The following ARHGAP6 variants were observed in gnomAD, a reference collection of about 807,000 sequenced individuals.
ARHGAP6 encodes rho GTPase-activating protein 6.
ARHGAP6 carries 16 observed loss-of-function variants against 55.7 expected under a neutral mutation model. The observed-to-expected ratio is 0.29, with a 90% CI of 0.19 to 0.44. The LOEUF (loss-of-function observed/expected upper bound fraction) is 0.44, where lower values mean the gene tolerates loss of function less well. ARHGAP6 is among the 20% of genes least tolerant of loss of function. ARHGAP6 has a pLI of 1.00. For missense variants in ARHGAP6, 698 were observed against 808.9 expected (o/e 0.86, Z 1.66); for synonymous variants, 382 against 360.9 (o/e 1.06, Z -0.66).
At chrX:11,543,329 A>C (rs1474711219) in intron 1 of ARHGAP6, among the ~76,000 whole-genome samples, 1 of 113,021 alleles carries the variant, frequency 8.8e-6, no homozygotes, top group Non-Finnish European at 1.9e-5. Context: ...TATTTTGTAT[A>C]ATTTTAGAAC....
intron 1 of ARHGAP6, among the ~76,000 whole-genome samples, chrX:11,570,243 G>A (rs896852511): frequency 2.7e-5 from 3 of 111,565 alleles, no homozygotes; most frequent in Non-Finnish European, 5.6e-5. Flanking sequence ...AAATTACTAA[G>A]TATTACATTT....
At chrX:11,180,538 G>C (rs1245273669) in intron 6 of ARHGAP6, among the ~76,000 whole-genome samples, 1 of 111,344 alleles carries the variant, frequency 9.0e-6, no homozygotes, top group African/African-American at 3.3e-5. Context: ...TAAGGAAAAA[G>C]TGCAGGGTGC....
At chrX:11,348,614 C>T (rs915434087) in intron 1 of ARHGAP6, among the ~76,000 whole-genome samples, 1 of 111,961 alleles carries the variant, frequency 8.9e-6, no homozygotes, top group Non-Finnish European at 1.9e-5. Context: ...GCCATTTGAT[C>T]TGAGGTCGTC....
At chrX:11,215,362 C>T (rs948754739) in intron 2 of ARHGAP6, among the ~76,000 whole-genome samples, 1 of 112,738 alleles carries the variant, frequency 8.9e-6, no homozygotes, top group Non-Finnish European at 1.9e-5. Flanking sequence ...AATGGCTCCG[C>T]GAGGATCCCC....
chrX:11,173,624 C>T (rs2046126063), intron 8 of ARHGAP6, among the ~76,000 whole-genome samples: 1 of 112,284 alleles, frequency 8.9e-6, no homozygotes. Context: ...ACAAAACAAA[C>T]ACAAGATAGC....
intron 1 of ARHGAP6, among the ~76,000 whole-genome samples, chrX:11,434,983 T>C (rs1238868465): frequency 8.9e-6 from 1 of 112,120 alleles, no homozygotes; most frequent in Non-Finnish European, 1.9e-5. Flanking sequence ...ATTATTTTCT[T>C]TGGGGACCAT....
chrX:11,198,243 C>A (rs1228675098), intron 2 of ARHGAP6, among the ~76,000 whole-genome samples: 2 of 111,755 alleles, frequency 1.8e-5, no homozygotes, highest in Non-Finnish European at 3.8e-5. Context: ...CTCCTGCCAC[C>A]AAAAGAAAAT....
At chrX:11,234,076 G>A in intron 2 of ARHGAP6, among the ~76,000 whole-genome samples, 2 of 112,339 alleles carry the variant, frequency 1.8e-5, no homozygotes, top group South Asian at 3.7e-4. Context: ...GGTGGAAGAA[G>A]GAATTCTCCA....
intron 9 of ARHGAP6, among the ~76,000 whole-genome samples, chrX:11,166,088 C>T (rs1035476271): frequency 1.4e-4 from 16 of 112,040 alleles, no homozygotes; most frequent in African/African-American, 3.9e-4. Context: ...GTGTGTCAAC[C>T]TCTGCATCTA....
chrX:11,571,894 A>T (rs1293799173), intron 1 of ARHGAP6, among the ~76,000 whole-genome samples: 1 of 109,001 alleles, frequency 9.2e-6, no homozygotes, highest in Non-Finnish European at 1.9e-5. Flanking sequence ...AAAAATAAAA[A>T]ATTATAAAGG....
Position 11,139,507 on chromosome X carries a change from T to A in ARHGAP6, c.2281A>T (p.Ser761Cys), listed in dbSNP as rs773687222. 1.8e-6 allele frequency: 2 copies of A among 1,141,131 alleles called. No homozygotes were observed. The highest frequency in any genetic ancestry group is 2.3e-6 in the Non-Finnish European group (2 of 864,189). The allele number at this position is 1,141,131 out of a possible 1,213,427, so 94.0% of individuals were successfully genotyped here. A position where few individuals can be genotyped will look rare whatever the true frequency, so the allele number is the denominator to read the frequency against. Reference sequence around the variant, plus strand: ...CAGGGCCCCGCTCTTAGGGAGCTGCTTTCAAAAATGTCTCCAGAGGAACCT... The same window carrying A: ...CAGGGCCCCGCTCTTAGGGAGCTGCATTCAAAAATGTCTCCAGAGGAACCT... ...MTGSSGDIFE[S>C]SSLRAGPCSL... Residue 761 changes from serine to cysteine, a missense_variant, in exon 13 of 13, where the codon AGC becomes TGC. This residue lies in a region of ARHGAP6 where 212 missense variants were observed against 208.7 expected (regional missense o/e 1.02). Transcript: ENST00000337414.
chrX:11,357,210 T>C (rs775258760), intron 1 of ARHGAP6, among the ~76,000 whole-genome samples: 7 of 112,155 alleles, frequency 6.2e-5, no homozygotes, highest in African/African-American at 1.3e-4. Context: ...TACAATGGTA[T>C]TGTGCTTATG....
At chrX:11,620,618 C>T (rs1344050249) in intron 1 of ARHGAP6, among the ~76,000 whole-genome samples, 1 of 112,062 alleles carries the variant, frequency 8.9e-6, no homozygotes, top group East Asian at 2.8e-4. Context: ...GATTTGGCAC[C>T]CTTTCCTTGA....
intron 1 of ARHGAP6, among the ~76,000 whole-genome samples, chrX:11,652,618 C>A (rs1226937722): frequency 1.8e-5 from 2 of 112,167 alleles, no homozygotes; most frequent in Non-Finnish European, 3.8e-5. Flanking sequence ...ACTTCCCTAG[C>A]AACAATAATA....
chrX:11,218,889 T>G (rs188185334), intron 2 of ARHGAP6, among the ~76,000 whole-genome samples: 6 of 101,822 alleles, frequency 5.9e-5, no homozygotes, highest in Admixed American at 3.2e-4. Context: ...GTCTATTTTG[T>G]TTTTTTTTTT....
intron 1 of ARHGAP6, among the ~76,000 whole-genome samples, chrX:11,356,627 T>C (rs1376372711): frequency 1.8e-5 from 2 of 111,310 alleles, no homozygotes; most frequent in African/African-American, 6.5e-5. Context: ...CTTAAATCTC[T>C]TGATCACTGT....
chrX:11,496,306 G>A (rs1366105779), intron 1 of ARHGAP6, among the ~76,000 whole-genome samples: 1 of 112,473 alleles, frequency 8.9e-6, no homozygotes, highest in Admixed American at 9.4e-5. Flanking sequence ...GCAGCCAAAA[G>A]TAGCCTAGCT....
intron 1 of ARHGAP6, among the ~76,000 whole-genome samples, chrX:11,511,354 C>T (rs2050783379): frequency 8.9e-6 from 1 of 112,155 alleles, no homozygotes; most frequent in Non-Finnish European, 1.9e-5. Flanking sequence ...TGCCTCCTTA[C>T]CTTGCATTAG....
At chrX:11,331,153 G>A (rs1009485749) in intron 1 of ARHGAP6, among the ~76,000 whole-genome samples, 1 of 111,524 alleles carries the variant, frequency 9.0e-6, no homozygotes, top group African/African-American at 3.3e-5. Context: ...TGGCCATGAA[G>A]AAATGATCTG....
Sources: gnomAD v4.1 joint callset for allele counts (sites outside exome capture counted in the v4.1 genomes callset) on GRCh38, gnomAD v4.1.1 for gene constraint, gnomAD v4.1.1 regional missense constraint, MANE v1.5 for transcripts, NCBI Gene and HGNC (gene_info 2026-07-23, HGNC 2026-07-21) for gene names.